USP36: variants seen among roughly 807,000 people sequenced by gnomAD.
The protein encoded by USP36 is ubiquitin specific peptidase 36.
USP36 carries 59 observed loss-of-function variants against 111.5 expected under a neutral mutation model. The ratio of observed to expected loss-of-function variants is 0.53; its 90% CI spans 0.43 to 0.66. The LOEUF (loss-of-function observed/expected upper bound fraction) is 0.66, where lower values mean the gene tolerates loss of function less well. USP36 is among the 30% of genes least tolerant of loss of function. The pLI, the probability that USP36 is intolerant of heterozygous loss-of-function variation, is 0.00. For synonymous variants in USP36, 628 were observed against 581.0 expected (o/e 1.08, Z -1.16); for missense variants, 1,488 against 1,468.0 (o/e 1.01, Z -0.22).
chr17:78,821,420 A>ATATATATTTTTT (rs1192213715), intron 7 of USP36: 1 of 34,560 alleles, frequency 2.9e-5, no homozygotes, highest in African/African-American at 1.6e-4. Flanking sequence ...ATATATATAT[A>ATATATATTTTTT]TTTTTTTTTT....
chr17:78,806,145 C>T lies in USP36; in HGVS notation c.2216+11G>A, dbSNP rs752073922. 2.0e-5 allele frequency: 32 copies of T among 1,612,920 alleles called. 1 individual carries two copies. The South Asian group carries it at 3.4e-4, about 17-fold the overall frequency. On this transcript the variant is annotated intron_variant, in intron 15 of 20. Transcript: ENST00000449938. Reference sequence around the variant, plus strand: ...CAGTTGGCACCCAGAAGATCCCGGCCCAAAGCTTACCTGGCTCTATGGACG... The same window carrying T: ...CAGTTGGCACCCAGAAGATCCCGGCTCAAAGCTTACCTGGCTCTATGGACG...
chr17:78,833,413 C>G (rs185218980), intron 4 of USP36, among the ~76,000 whole-genome samples: 10 of 152,138 alleles, frequency 6.6e-5, no homozygotes, highest in Admixed American at 2.6e-4. Context: ...TCCCAAGTAG[C>G]TGGGATTACA....
Position 78,798,505 on chromosome 17 carries a change from T to C in USP36, c.3287A>G (p.Asn1096Ser), listed in dbSNP as rs1429232228. Residue 1096 changes from asparagine to serine, a missense_variant, in exon 20 of 21, where the codon AAC becomes AGC. Physicochemically the swap from Asn to Ser is conservative, Grantham distance 46 (BLOSUM62 1). This residue lies in a region of USP36 where 1,073 missense variants were observed against 994.1 expected (regional missense o/e 1.08). Coordinates refer to ENST00000449938, the MANE Select transcript of USP36 (RefSeq NM_001385174.1). The surrounding 1 kb of genome is among the most constrained non-coding windows in gnomAD (Gnocchi z 5.1). Reference sequence around the variant, plus strand: ...TCGAGTCTGAAGTTTCTGGAAGGCGTTGAAGTTTCTCCTCTTCTCTCTCTT... The same window carrying C: ...TCGAGTCTGAAGTTTCTGGAAGGCGCTGAAGTTTCTCCTCTTCTCTCTCTT... ...KFKREKRRNF[N>S]AFQKLQTRRN... The C allele has an allele frequency of 3.7e-6, 6 of 1,614,078 alleles. No individual in the cohort carries two copies. In the African/African-American group the frequency reaches 4.0e-5, roughly 11 times the overall value.
rs371339600 is a variant in USP36, at chr17:78,825,992, A to T, written c.689+1253T>A. ...CTTCACCAATTACACCATGAGCTCC[A>T]CAGACTCCAGGACCATGGCTTCTAC... On this transcript the variant is annotated intron_variant, in intron 6 of 20. Transcript: ENST00000449938. 5.3e-5 allele frequency among the ~76,000 whole-genome samples: 8 copies of T among 152,224 alleles called. No individual in the cohort carries two copies. The East Asian group carries it at 1.5e-3, about 29-fold the overall frequency.
At chr17:78,836,644 C>T (rs2068700926) in intron 2 of USP36, among the ~76,000 whole-genome samples, 1 of 152,122 alleles carries the variant, frequency 6.6e-6, no homozygotes, top group Non-Finnish European at 1.5e-5. Context: ...CCAGACAGCC[C>T]CTGCCATGTG....
chr17:78,831,874 T>G (rs2068148562), intron 4 of USP36, among the ~76,000 whole-genome samples: 1 of 134,758 alleles, frequency 7.4e-6, no homozygotes, highest in African/African-American at 2.8e-5. Context: ...GCTTGGGAGG[T>G]GGAGGTTGCA....
intron 6 of USP36, among the ~76,000 whole-genome samples, chr17:78,825,807 C>T (rs1024304364): frequency 1.3e-5 from 2 of 152,212 alleles, no homozygotes; most frequent in African/African-American, 2.4e-5. Flanking sequence ...ACTCCCCCTG[C>T]AGGTGCTGGG....
intron 14 of USP36, 143 bp downstream of exon 14, chr17:78,806,816 G>A: frequency 8.3e-7 from 1 of 1,201,076 alleles, no homozygotes; most frequent in East Asian, 2.4e-5. Flanking sequence ...CAAATGGCTG[G>A]GAACGACTAA....
intron 5 of USP36, 25 bp from the exon 6 acceptor site, chr17:78,827,372 G>A: frequency 1.3e-6 from 2 of 1,593,410 alleles, no homozygotes; most frequent in Non-Finnish European, 1.7e-6. Flanking sequence ...AACAGGGAGG[G>A]AAGAGCTCGT....
At chr17:78,827,163 G>T in intron 6 of USP36, 82 bp downstream of exon 6, 1 of 1,454,710 alleles carries the variant, frequency 6.9e-7, no homozygotes, top group Non-Finnish European at 9.3e-7. Flanking sequence ...TGCCGGGCTG[G>T]CTGTTGCCAT....
chr17:78,819,941 G>A lies in USP36; in HGVS notation c.900C>T (p.Tyr300=), dbSNP rs1217892629. ...AACGTGAAACTTACTTAGCACACATGTAGGCATTCTCTCCACTCAGGACAT... is the reference window on the plus strand; with the variant it reads ...AACGTGAAACTTACTTAGCACACATATAGGCATTCTCTCCACTCAGGACAT... The part of the protein sequence containing the change: ...KADVLSGENA[Y]MCAKCKKKVP... Residue 300 remains tyrosine (Y), a synonymous_variant, in exon 9 of 21, where the codon TAC becomes TAT. Coordinates refer to ENST00000449938, the MANE Select transcript of USP36 (RefSeq NM_001385174.1). 17 of 1,613,964 alleles carry A rather than the reference G, an allele frequency of 1.1e-5. No homozygotes were observed. The Admixed American group carries it at 2.7e-4, about 25-fold the overall frequency.
At chr17:78,832,582 G>C (rs537655912) in intron 4 of USP36, among the ~76,000 whole-genome samples, 6 of 152,330 alleles carry the variant, frequency 3.9e-5, no homozygotes, top group Admixed American at 2.6e-4. Context: ...CCTGTGCCAG[G>C]TTACGGGGAT....
chr17:78,821,420 A>ATATATATATATT (rs1192213715), intron 7 of USP36: 1 of 34,560 alleles, frequency 2.9e-5, no homozygotes, highest in Non-Finnish European at 4.6e-5. Flanking sequence ...ATATATATAT[A>ATATATATATATT]TTTTTTTTTT....
intron 8 of USP36, among the ~76,000 whole-genome samples, chr17:78,820,779 T>A (rs758356046): frequency 7.2e-5 from 11 of 152,202 alleles, no homozygotes. Flanking sequence ...AACCCAATTT[T>A]ACCATTTTTT....
chr17:78,825,006 G>A (rs1246832667), intron 6 of USP36, among the ~76,000 whole-genome samples: 1 of 152,188 alleles, frequency 6.6e-6, no homozygotes, highest in Non-Finnish European at 1.5e-5. Flanking sequence ...CCTGTATAGA[G>A]CAAAACTAGA....
chr17:78,808,647 G>C (rs934150612), intron 13 of USP36, among the ~76,000 whole-genome samples: 1 of 152,110 alleles, frequency 6.6e-6, no homozygotes, highest in African/African-American at 2.4e-5. Flanking sequence ...GTCTCCAACT[G>C]TTGAAATTAA....
intron 3 of USP36, among the ~76,000 whole-genome samples, chr17:78,789,890 T>C (rs1045531979): frequency 4.6e-5 from 7 of 152,214 alleles, no homozygotes; most frequent in Non-Finnish European, 4.4e-5. Context: ...ATTAGTGCAG[T>C]GTGGACTGCG....
At chr17:78,836,798 GACACACAC>G (rs71365539) in intron 2 of USP36, among the ~76,000 whole-genome samples, 2 of 145,720 alleles carry the variant, frequency 1.4e-5, no homozygotes, top group African/African-American at 5.4e-5. Flanking sequence ...TACACACACG[GACACACAC>G]ACACACACAC....
intron 3 of USP36, among the ~76,000 whole-genome samples, chr17:78,789,019 G>A (rs1003980480): frequency 7.3e-6 from 1 of 137,280 alleles, no homozygotes. Flanking sequence ...CCTATATGGT[G>A]AAACTCCGTC....
Sources: gnomAD v4.1 joint callset for allele counts (sites outside exome capture counted in the v4.1 genomes callset) on GRCh38, gnomAD v4.1.1 for gene constraint, gnomAD v4.1.1 regional missense constraint, Gnocchi (gnomAD v3.1) non-coding constraint, MANE v1.5 for transcripts, NCBI Gene and HGNC (gene_info 2026-07-23, HGNC 2026-07-21) for gene names.